Variants in PDGFRL observed in about 807,000 individuals in gnomAD.
PDGFRL encodes platelet-derived growth factor receptor-like protein.
In PDGFRL, 46 loss-of-function variants were observed where a neutral mutation model predicts 37.2. The observed-to-expected ratio is 1.24, with a 90% confidence interval of 0.98 to 1.58. The LOEUF is 1.58. Ranked by LOEUF, PDGFRL falls within the 40% of genes most tolerant of loss-of-function variation. PDGFRL has a pLI of 0.00. For missense variants in PDGFRL, 692 were observed against 467.6 expected, an observed-to-expected ratio of 1.48 and a Z score of -4.43; for synonymous variants, 251 against 184.3, an observed-to-expected ratio of 1.36 and a Z score of -2.93.
At chr8:17,584,113 G>T (rs1398548745) in intron 1 of PDGFRL, among the ~76,000 whole-genome samples, 1 of 152,164 alleles carries the variant, frequency 6.6e-6, no homozygotes, top group African/African-American at 2.4e-5. Flanking sequence ...GCTGAGTTCA[G>T]GGTCTGTTTT....
intron 2 of PDGFRL, among the ~76,000 whole-genome samples, chr8:17,594,672 A>G (rs1390480482): frequency 6.6e-6 from 1 of 152,150 alleles, no homozygotes; most frequent in Non-Finnish European, 1.5e-5. Flanking sequence ...CTCCTGCCTC[A>G]GCCTCTGGAG....
At chr8:17,612,148 T>C (rs1170019938) in intron 2 of PDGFRL, among the ~76,000 whole-genome samples, 2 of 152,298 alleles carry the variant, frequency 1.3e-5, no homozygotes, top group East Asian at 3.9e-4. Flanking sequence ...TTTAGGCCTC[T>C]AAAGGAATTC....
Position 17,582,294 on chromosome 8 carries a change from A to G in PDGFRL, c.55+4987A>G, listed in dbSNP as rs1222885336. Among the ~76,000 whole-genome samples the G allele has an allele frequency of 2.0e-5, 3 of 152,108 alleles. No individual in the cohort carries two copies. The East Asian group carries it at 5.8e-4, about 29-fold the overall frequency. On this transcript the variant is annotated intron_variant, in intron 1 of 5. Coordinates refer to ENST00000251630, the MANE Select transcript of PDGFRL (RefSeq NM_001372073.1). ...AGTAGTGGTGGGTGTGGCTGGGTTT[A>G]AAAGCTTAGGATCAGCCGGGCAGGG...
intron 3 of PDGFRL, among the ~76,000 whole-genome samples, chr8:17,621,412 T>C (rs1031930624): frequency 6.6e-6 from 1 of 151,890 alleles, no homozygotes; most frequent in Non-Finnish European, 1.5e-5. Flanking sequence ...CCTGTTTTTT[T>C]TTTTTTCAGA....
chr8:17,592,619 G>A (rs1310628720), intron 2 of PDGFRL, among the ~76,000 whole-genome samples: 1 of 152,106 alleles, frequency 6.6e-6, no homozygotes, highest in African/African-American at 2.4e-5. Flanking sequence ...CAGGCTCCTG[G>A]GGACTTCGAG....
intron 2 of PDGFRL, among the ~76,000 whole-genome samples, chr8:17,616,248 G>A (rs1563521066): frequency 6.6e-6 from 1 of 152,016 alleles, no homozygotes. Flanking sequence ...AGGCCGGAGT[G>A]CAGTGCCGCA....
intron 5 of PDGFRL, among the ~76,000 whole-genome samples, chr8:17,637,888 T>C (rs1805004016): frequency 6.6e-6 from 1 of 151,676 alleles, no homozygotes; most frequent in Non-Finnish European, 1.5e-5. Context: ...AATTATCTTT[T>C]GTATTTCTGT....
chr8:17,609,031 C>G (rs889840191), intron 2 of PDGFRL, among the ~76,000 whole-genome samples: 2 of 152,206 alleles, frequency 1.3e-5, no homozygotes, highest in African/African-American at 4.8e-5. Flanking sequence ...CCAGCCTGAG[C>G]AAAATAGTGA....
chr8:17,605,411 G>A (rs2517188), intron 2 of PDGFRL, among the ~76,000 whole-genome samples: 8,589 of 152,140 alleles, frequency 0.056, 659 homozygotes, highest in African/African-American at 0.18. Context: ...AAAACTTTGT[G>A]TAAGAATATT....
At chr8:17,623,886 T>A (rs1483204601) in intron 3 of PDGFRL, among the ~76,000 whole-genome samples, 8 of 109,224 alleles carry the variant, frequency 7.3e-5, no homozygotes, top group African/African-American at 2.1e-4. Flanking sequence ...AAAAAAAAAA[T>A]ACGGGCTCTC....
intron 1 of PDGFRL, among the ~76,000 whole-genome samples, chr8:17,581,354 C>G (rs143767913): frequency 6.6e-6 from 1 of 152,254 alleles, no homozygotes; most frequent in East Asian, 1.9e-4. Context: ...GGGAGCTGGC[C>G]AAGCCTTGTA....
intron 1 of PDGFRL, among the ~76,000 whole-genome samples, chr8:17,577,897 T>G (rs561541064): frequency 6.6e-6 from 1 of 151,914 alleles, no homozygotes; most frequent in East Asian, 2.0e-4. Flanking sequence ...CACGGCTTAT[T>G]ATATTTATCT....
chr8:17,581,391 T>G (rs1383929360), intron 1 of PDGFRL, among the ~76,000 whole-genome samples: 1 of 152,076 alleles, frequency 6.6e-6, no homozygotes, highest in Non-Finnish European at 1.5e-5. Flanking sequence ...AGGGCTGGCT[T>G]CTAGATGAGA....
chr8:17,607,401 T>C lies in PDGFRL; in HGVS notation c.354-13650T>C, dbSNP rs151031738. 7.0e-3 allele frequency among the ~76,000 whole-genome samples: 1,073 copies of C among 152,316 alleles called. 8 individuals carry two copies. Among genetic ancestry groups the C allele is most frequent in the Middle Eastern group, 0.017 (5 of 294 alleles). On this transcript the variant is annotated intron_variant, in intron 2 of 5. Transcript: ENST00000251630. Reference sequence around the variant, plus strand: ...AATGTTTCTACCTACACCAAATATGTATTTAAAAAAACAACAAAAAAAGTT... The same window carrying C: ...AATGTTTCTACCTACACCAAATATGCATTTAAAAAAACAACAAAAAAAGTT...
intron 2 of PDGFRL, among the ~76,000 whole-genome samples, chr8:17,607,324 C>T (rs1357166864): frequency 6.6e-6 from 1 of 152,054 alleles, no homozygotes; most frequent in Non-Finnish European, 1.5e-5. Flanking sequence ...TTGGTTGAAG[C>T]ACGTTCTATA....
rs1204627323 is a variant in PDGFRL, at chr8:17,584,725, T to G, written c.56-4743T>G. On this transcript the variant is annotated intron_variant, in intron 1 of 5. Coordinates refer to ENST00000251630, the MANE Select transcript of PDGFRL (RefSeq NM_001372073.1). ...CTAATTCTCAGAAACTGCTTTTTTT[T>G]TTTTTTTAAAGATACTTTAAACAGT... Among the ~76,000 whole-genome samples, 5 of 152,058 alleles carry G rather than the reference T, an allele frequency of 3.3e-5. No individual in the cohort carries two copies. The East Asian group carries it at 7.7e-4, about 23-fold the overall frequency.
At chr8:17,632,435 G>T (rs1804882300) in intron 4 of PDGFRL, among the ~76,000 whole-genome samples, 1 of 151,822 alleles carries the variant, frequency 6.6e-6, no homozygotes, top group Non-Finnish European at 1.5e-5. Context: ...CCACCTCCTG[G>T]GCTCGAGGGA....
intron 5 of PDGFRL, among the ~76,000 whole-genome samples, chr8:17,636,831 C>G (rs1024091503): frequency 1.3e-5 from 2 of 152,062 alleles, no homozygotes; most frequent in Non-Finnish European, 2.9e-5. Context: ...GGTCTTTCAC[C>G]TCCTTGATTA....
intron 2 of PDGFRL, among the ~76,000 whole-genome samples, chr8:17,599,726 C>G (rs1023611181): frequency 6.6e-6 from 1 of 152,184 alleles, no homozygotes; most frequent in African/African-American, 2.4e-5. Context: ...CTTCATCTCT[C>G]TGACTTTCAG....
Sources: allele counts gnomAD v4.1 joint callset (sites outside exome capture counted in the v4.1 genomes callset), GRCh38; gene constraint gnomAD v4.1.1; transcripts MANE v1.5; gene names NCBI Gene and HGNC (gene_info 2026-07-23, HGNC 2026-07-21).